SGCZ: variants seen among roughly 807,000 people sequenced by gnomAD.
SGCZ encodes the protein zeta-sarcoglycan.
SGCZ carries 40 observed loss-of-function variants against 41.3 expected under a neutral mutation model. The ratio of observed to expected loss-of-function variants is 0.97; its 90% CI spans 0.75 to 1.26. The LOEUF (loss-of-function observed/expected upper bound fraction) is 1.26, where lower values mean the gene tolerates loss of function less well. Ranked by LOEUF, SGCZ falls within the 50% of genes most tolerant of loss-of-function variation. SGCZ has a pLI of 0.00. For missense variants in SGCZ, 552 were observed against 369.8 expected (o/e 1.49, Z -4.04); for synonymous variants, 206 against 137.5 (o/e 1.50, Z -3.49).
chr8:14,389,400 G>A (rs915132649), intron 2 of SGCZ, among the ~76,000 whole-genome samples: 9 of 149,870 alleles, frequency 6.0e-5, no homozygotes, highest in African/African-American at 2.2e-4. Flanking sequence ...AATAATATAA[G>A]CATACTGAAA....
chr8:14,776,174 C>T (rs1270583282), intron 1 of SGCZ, among the ~76,000 whole-genome samples: 4 of 152,060 alleles, frequency 2.6e-5, no homozygotes. Flanking sequence ...TAAGTTTGCT[C>T]TTTGATATGG....
intron 4 of SGCZ, among the ~76,000 whole-genome samples, chr8:14,188,129 C>G (rs533895183): frequency 1.1e-3 from 161 of 152,202 alleles, no homozygotes; most frequent in African/African-American, 3.8e-3. Flanking sequence ...AAGATATTCC[C>G]AGATAAAGAT....
intron 5 of SGCZ, among the ~76,000 whole-genome samples, chr8:14,111,700 CTA>C (rs1802376187): frequency 6.6e-6 from 1 of 152,038 alleles, no homozygotes; most frequent in African/African-American, 2.4e-5. Flanking sequence ...CAGAATAAAA[CTA>C]AGAAAATTCA....
chr8:14,374,172 G>C (rs1194406744), intron 2 of SGCZ, among the ~76,000 whole-genome samples: 2 of 152,092 alleles, frequency 1.3e-5, no homozygotes, highest in African/African-American at 4.8e-5. Flanking sequence ...GAGTCCAGGA[G>C]TCAGAGATCA....
intron 2 of SGCZ, among the ~76,000 whole-genome samples, chr8:14,432,407 T>A (rs1799968064): frequency 6.6e-6 from 1 of 152,162 alleles, no homozygotes; most frequent in African/African-American, 2.4e-5. Context: ...AGACTATAAC[T>A]CTAAGTGAAG....
chr8:14,134,474 G>A (rs1803134870), intron 5 of SGCZ, among the ~76,000 whole-genome samples: 4 of 152,206 alleles, frequency 2.6e-5, no homozygotes, highest in Admixed American at 2.6e-4. Context: ...CAATATATGT[G>A]TCATTCAAAT....
At chr8:14,190,405 T>G (rs1805061485) in intron 4 of SGCZ, among the ~76,000 whole-genome samples, 1 of 151,876 alleles carries the variant, frequency 6.6e-6, no homozygotes, top group Non-Finnish European at 1.5e-5. Context: ...CAATAAAGTG[T>G]GATATATATA....
rs746691064 is a variant in SGCZ, at chr8:14,221,884, C to A, written c.424+15708G>T. ...ACTGAGGCAGGAAAATCGCTTGAAC[C>A]CGGGAGGTGGAGGTTGCAGTGAGCC... On this transcript the variant is annotated intron_variant, in intron 4 of 7. Transcript: ENST00000382080. Among the ~76,000 whole-genome samples, 57 of 151,762 alleles carry A rather than the reference C, an allele frequency of 3.8e-4. 1 individual carries two copies. The highest frequency in any genetic ancestry group is 7.2e-4 in the Non-Finnish European group (49 of 67,974).
At chr8:14,102,594 T>C in intron 6 of SGCZ, 95 bp from the exon 7 acceptor site, 1 of 1,138,076 alleles carries the variant, frequency 8.8e-7, no homozygotes, top group Non-Finnish European at 1.1e-6. Flanking sequence ...GAAGACAACA[T>C]TGGTCAAAAC....
At chr8:14,312,421 G>A (rs186751895) in intron 3 of SGCZ, among the ~76,000 whole-genome samples, 147 of 152,142 alleles carry the variant, frequency 9.7e-4, no homozygotes, top group East Asian at 7.0e-3. Flanking sequence ...TGTGATTTTC[G>A]GGTAGTGAAA....
chr8:14,464,681 AGTTT>A (rs748005633), intron 2 of SGCZ, among the ~76,000 whole-genome samples: 187 of 151,368 alleles, frequency 1.2e-3, no homozygotes, highest in Non-Finnish European at 2.1e-3. Flanking sequence ...TAAGTTATAA[AGTTT>A]GTTTATTGAC....
At chr8:14,399,449 T>C (rs557313578) in intron 2 of SGCZ, among the ~76,000 whole-genome samples, 4 of 152,234 alleles carry the variant, frequency 2.6e-5, no homozygotes, top group African/African-American at 9.6e-5. Context: ...TTTTTTAAAA[T>C]GTCTTTCTCA....
At chr8:14,119,925 G>C (rs936001055) in intron 5 of SGCZ, among the ~76,000 whole-genome samples, 1 of 152,086 alleles carries the variant, frequency 6.6e-6, no homozygotes, top group Non-Finnish European at 1.5e-5. Context: ...CTTGATTGTG[G>C]TGGATAAACT....
At chr8:14,368,529 C>T (rs977923223) in intron 2 of SGCZ, among the ~76,000 whole-genome samples, 3 of 151,980 alleles carry the variant, frequency 2.0e-5, no homozygotes, top group African/African-American at 2.4e-5. Flanking sequence ...CCATATGAGA[C>T]ATTTTATTTC....
intron 1 of SGCZ, among the ~76,000 whole-genome samples, chr8:14,761,243 C>G (rs2130355311): frequency 6.6e-6 from 1 of 152,196 alleles, no homozygotes; most frequent in African/African-American, 2.4e-5. Context: ...TAACAAAGCA[C>G]ATTTCTGAAA....
At chr8:14,913,220 A>C (rs954351150) in intron 1 of SGCZ, among the ~76,000 whole-genome samples, 16 of 152,134 alleles carry the variant, frequency 1.1e-4, no homozygotes, top group African/African-American at 2.7e-4. Flanking sequence ...TAACATTCAA[A>C]GACATATTTG....
chr8:14,442,269 G>T (rs556399717), intron 2 of SGCZ, among the ~76,000 whole-genome samples: 9 of 152,112 alleles, frequency 5.9e-5, no homozygotes, highest in African/African-American at 9.7e-5. Context: ...TGATATTCTC[G>T]TGATAATGAA....
At position 14,981,937 on chromosome 8, in the gene SGCZ, G is replaced by A. The variant is rs1358222843; in HGVS notation, c.39+255648C>T. ...GGCTGAAGCAGGCAGATCATTGGAG[G>A]TCAGGAGTTCAAGACCAGCCTGGCC... On this transcript the variant is annotated intron_variant, in intron 1 of 7. Transcript: ENST00000382080. Among the ~76,000 whole-genome samples, 8 of 152,082 alleles carry A rather than the reference G, an allele frequency of 5.3e-5. No homozygotes were observed. In the South Asian group the frequency reaches 1.0e-3, roughly 20 times the overall value.
chr8:14,317,296 G>A (rs1801751840), intron 3 of SGCZ, among the ~76,000 whole-genome samples: 1 of 151,952 alleles, frequency 6.6e-6, no homozygotes, highest in Admixed American at 6.6e-5. Context: ...AATATTAGGT[G>A]CTACTATGAA....
Sources: allele counts gnomAD v4.1 joint callset (sites outside exome capture counted in the v4.1 genomes callset), GRCh38; gene constraint gnomAD v4.1.1; transcripts MANE v1.5; gene names NCBI Gene and HGNC (gene_info 2026-07-23, HGNC 2026-07-21).